The following TMEM108 variants were observed in gnomAD, a reference collection of about 807,000 sequenced individuals.
TMEM108 encodes transmembrane protein 108.
TMEM108 carries 12 observed loss-of-function variants against 35.1 expected under a neutral mutation model. The ratio of observed to expected loss-of-function variants is 0.34; its 90% confidence interval spans 0.22 to 0.55. TMEM108 has a LOEUF of 0.55. Among genes scored for constraint, TMEM108 ranks in the 20% least tolerant of loss-of-function variants. The probability of loss-of-function intolerance (pLI) is 0.89; values close to 1 mark genes in which losing one functional copy is unlikely to be tolerated. For synonymous variants in TMEM108, 287 were observed against 308.6 expected, an observed-to-expected ratio of 0.93 and a Z score of 0.73; for missense variants, 680 against 753.3, an observed-to-expected ratio of 0.90 and a Z score of 1.14.
chr3:133,245,457 C>G (rs780130763), intron 3 of TMEM108, among the ~76,000 whole-genome samples: 8 of 152,210 alleles, frequency 5.3e-5, no homozygotes, highest in Non-Finnish European at 8.8e-5. Flanking sequence ...AGGACCTCCC[C>G]ACAGCAGTTC....
At chr3:133,246,361 A>C (rs1374398974) in intron 3 of TMEM108, 1 of 152,206 alleles carries the variant, frequency 6.6e-6, no homozygotes, top group Non-Finnish European at 1.5e-5. Context: ...GCCTTATGCC[A>C]GGAATACATG....
At chr3:133,139,661 A>G (rs1944615259) in intron 2 of TMEM108, among the ~76,000 whole-genome samples, 1 of 152,164 alleles carries the variant, frequency 6.6e-6, no homozygotes, top group Admixed American at 6.5e-5. Flanking sequence ...TTTAGAGATA[A>G]GGGGATCTTT....
Position 133,164,495 on chromosome 3 carries a change from A to G in TMEM108, c.-46-64771A>G, listed in dbSNP as rs550480815. Among the ~76,000 whole-genome samples, 38 of 152,332 alleles carry G rather than the reference A, an allele frequency of 2.5e-4. No individual in the cohort carries two copies. In the South Asian group the frequency reaches 7.3e-3, roughly 29 times the overall value. ...CTGGAATGGCAGGAGACAGTGCGAT[A>G]TAGTAGAAGCAACACTGAACTTGTA... On this transcript the variant is annotated intron_variant, in intron 2 of 5. Transcript: ENST00000321871.
At chr3:133,058,905 T>C (rs941388400) in intron 2 of TMEM108, among the ~76,000 whole-genome samples, 13 of 152,232 alleles carry the variant, frequency 8.5e-5, no homozygotes, top group African/African-American at 2.9e-4. Context: ...ATAATGTCTC[T>C]TTGTAGTTGT....
chr3:133,127,713 C>A (rs925015521), intron 2 of TMEM108, among the ~76,000 whole-genome samples: 1 of 152,088 alleles, frequency 6.6e-6, no homozygotes, highest in African/African-American at 2.4e-5. Flanking sequence ...GGTTATAGGC[C>A]CCCTTTATCT....
At chr3:133,095,117 G>T (rs148616500) in intron 2 of TMEM108, among the ~76,000 whole-genome samples, 253 of 152,300 alleles carry the variant, frequency 1.7e-3, no homozygotes, top group African/African-American at 5.7e-3. Flanking sequence ...TTAATGAAGA[G>T]ATTGTTAATG....
chr3:133,386,276 A>G, intron 4 of TMEM108: 1 of 894,562 alleles, frequency 1.1e-6, no homozygotes, highest in Admixed American at 2.2e-5. Flanking sequence ...AATGGCAGTG[A>G]TCAAACAGTG....
rs2073307602 is a variant in TMEM108, at chr3:133,396,432, A to G, written c.*446A>G. Reference sequence around the variant, plus strand: ...TACGCACACCTGTAAAGGGAACTGGACCGCCTCAGGGGAAGACGGCAGACT... The same window carrying G: ...TACGCACACCTGTAAAGGGAACTGGGCCGCCTCAGGGGAAGACGGCAGACT... On this transcript the variant is annotated 3_prime_UTR_variant, in exon 6 of 6. Coordinates refer to ENST00000321871, the MANE Select transcript of TMEM108 (RefSeq NM_023943.4). The G allele has an allele frequency of 6.6e-6, 1 of 152,568 alleles. No homozygotes were observed. The highest frequency in any genetic ancestry group is 2.1e-4 in the South Asian group (1 of 4,840). The allele number at this position is 152,568 out of a possible 1,614,324, so 9.5% of individuals were successfully genotyped here. A position where few individuals can be genotyped will look rare whatever the true frequency, so the allele number is the denominator to read the frequency against.
At chr3:133,321,858 A>T (rs1334249324) in intron 3 of TMEM108, among the ~76,000 whole-genome samples, 2 of 152,216 alleles carry the variant, frequency 1.3e-5, no homozygotes, top group African/African-American at 2.4e-5. Context: ...AAAAAACTGG[A>T]AATTAATTCC....
rs200792571 is a variant in TMEM108, at chr3:133,379,734, C to T, written c.41-18C>T. The T allele has an allele frequency of 2.1e-5, 34 of 1,608,174 alleles. No homozygotes were observed. Among genetic ancestry groups the T allele is most frequent in the Non-Finnish European group, 2.4e-5 (28 of 1,176,814 alleles). ...GCTCCCCAAGTATTTTACCTCTTCT[C>T]TCTGTCTCCTTTTCAAGGTTTCCTG... On this transcript the variant is annotated intron_variant, in intron 3 of 5. Transcript: ENST00000321871.
chr3:133,103,349 C>T (rs1047401228), intron 2 of TMEM108, among the ~76,000 whole-genome samples: 6 of 152,192 alleles, frequency 3.9e-5, no homozygotes, highest in Non-Finnish European at 7.4e-5. Flanking sequence ...AACCAAATAC[C>T]GCATGTTCTC....
At chr3:133,138,982 G>A (rs1304909629) in intron 2 of TMEM108, among the ~76,000 whole-genome samples, 1 of 133,456 alleles carries the variant, frequency 7.5e-6, no homozygotes, top group Non-Finnish European at 1.6e-5. Context: ...TGTTCTCATT[G>A]TTCAACTCCT....
At chr3:133,065,302 ACG>A (rs1943582965) in intron 2 of TMEM108, among the ~76,000 whole-genome samples, 1 of 151,888 alleles carries the variant, frequency 6.6e-6, no homozygotes, top group Non-Finnish European at 1.5e-5. Context: ...ACACACACAC[ACG>A]CACATGCACA....
At chr3:133,238,809 C>G (rs1341454947) in intron 3 of TMEM108, among the ~76,000 whole-genome samples, 6 of 152,176 alleles carry the variant, frequency 3.9e-5, no homozygotes, top group Admixed American at 3.9e-4. Context: ...TAGGTCCAAA[C>G]AAATTTTGAC....
At chr3:133,394,723 T>A (rs2073281092) in intron 5 of TMEM108, among the ~76,000 whole-genome samples, 1 of 152,234 alleles carries the variant, frequency 6.6e-6, no homozygotes, top group Non-Finnish European at 1.5e-5. Flanking sequence ...CTTAGATAGG[T>A]GTTGAACTAA....
At chr3:133,263,701 C>G (rs1946656911) in intron 3 of TMEM108, among the ~76,000 whole-genome samples, 1 of 152,160 alleles carries the variant, frequency 6.6e-6, no homozygotes, top group Non-Finnish European at 1.5e-5. Flanking sequence ...AATCCCAAAA[C>G]TATGTAATCA....
chr3:133,295,350 T>C (rs1347933351), intron 3 of TMEM108, among the ~76,000 whole-genome samples: 1 of 152,140 alleles, frequency 6.6e-6, no homozygotes, highest in East Asian at 1.9e-4. Flanking sequence ...GAGCTTTAGC[T>C]TCCCTGCTCA....
intron 2 of TMEM108, among the ~76,000 whole-genome samples, chr3:133,097,634 A>G (rs1468661492): frequency 6.6e-6 from 1 of 152,222 alleles, no homozygotes; most frequent in South Asian, 2.1e-4. Flanking sequence ...TATATTGACT[A>G]CTACCTATTT....
chr3:133,064,167 A>G (rs1576299220), intron 2 of TMEM108, among the ~76,000 whole-genome samples: 1 of 152,332 alleles, frequency 6.6e-6, no homozygotes, highest in East Asian at 1.9e-4. Context: ...CAGGAAGGCC[A>G]TTTAGTCTAA....
Sources: gnomAD v4.1 joint callset for allele counts (sites outside exome capture counted in the v4.1 genomes callset) on GRCh38, gnomAD v4.1.1 for gene constraint, MANE v1.5 for transcripts, NCBI Gene and HGNC (gene_info 2026-07-23, HGNC 2026-07-21) for gene names.